The following EHD3 variants were observed in gnomAD, a reference collection of about 807,000 sequenced individuals.
EHD3 encodes the protein EH domain containing 3.
EHD3 carries 17 observed loss-of-function variants against 43.0 expected under a neutral mutation model. That is an observed-to-expected ratio of 0.40 (90% CI 0.27 to 0.59). The LOEUF is 0.59. Ranked by LOEUF, EHD3 falls within the 20% of genes least tolerant of loss-of-function variation. The probability of loss-of-function intolerance (pLI) is 0.49; values close to 1 mark genes in which losing one functional copy is unlikely to be tolerated. For missense variants in EHD3, 594 were observed against 705.6 expected (o/e 0.84, Z 1.79); for synonymous variants, 313 against 289.5 (o/e 1.08, Z -0.82).
rs764650418 is a variant in EHD3 at position 31,266,406 on chromosome 2, C to T, written c.1310C>T (p.Ala437Val). The change falls in exon 6 of 6, where the codon GCT becomes GTT. Residue 437 changes from alanine to valine, a missense_variant. Physicochemically the swap from Ala to Val is moderately conservative, Grantham distance 64 (BLOSUM62 0). Coordinates refer to ENST00000322054, the MANE Select transcript of EHD3 (RefSeq NM_014600.3). This position sits in a 1 kb window ranked among gnomAD's most constrained non-coding sequence, Gnocchi z 5.1. The stretch of plus-strand genomic sequence containing the variant: ...GGGGCTGGAGAAGGTATCGATGATG[C>T]TGAGTGGGTGGTGGCCAGGGACAAG... ...GEGAGEGIDDAEWVVARDKPM... is the reference protein window; with the variant it reads ...GEGAGEGIDDVEWVVARDKPM... 10 of 1,613,998 alleles carry T rather than the reference C, an allele frequency of 6.2e-6. No individual in the cohort carries two copies. The Admixed American group carries it at 1.7e-4, about 27-fold the overall frequency.
chr2:31,243,387 G>A (rs1683456379), intron 1 of EHD3, among the ~76,000 whole-genome samples: 1 of 151,342 alleles, frequency 6.6e-6, no homozygotes, highest in African/African-American at 2.4e-5. Context: ...ACAAAATACA[G>A]ATACTAGAGG....
At chr2:31,247,746 G>C (rs538820637) in intron 2 of EHD3, among the ~76,000 whole-genome samples, 2 of 152,338 alleles carry the variant, frequency 1.3e-5, no homozygotes, top group South Asian at 2.1e-4. Context: ...ACCCAGGCAA[G>C]AGGAAGAGCA....
chr2:31,242,281 A>T (rs951555914), intron 1 of EHD3, among the ~76,000 whole-genome samples: 2 of 152,192 alleles, frequency 1.3e-5, no homozygotes, highest in Non-Finnish European at 2.9e-5. Context: ...TGCACATTAC[A>T]ACATCCTTCA....
intron 2 of EHD3, among the ~76,000 whole-genome samples, chr2:31,245,476 T>C (rs941038509): frequency 6.6e-5 from 10 of 150,398 alleles, no homozygotes; most frequent in African/African-American, 2.4e-4. Context: ...CCATTTTTCA[T>C]TGTAGAAGTT....
chr2:31,256,086 G>A (rs1683747073), intron 3 of EHD3, among the ~76,000 whole-genome samples: 1 of 152,200 alleles, frequency 6.6e-6, no homozygotes, highest in South Asian at 2.1e-4. Flanking sequence ...CAAAGAGACA[G>A]AGGACTAGAG....
chr2:31,235,084 C>G (rs755415955), intron 1 of EHD3, among the ~76,000 whole-genome samples: 1 of 152,142 alleles, frequency 6.6e-6, no homozygotes, highest in South Asian at 2.1e-4. Flanking sequence ...GGTGGTCAAC[C>G]TGAAGTATTC....
intron 2 of EHD3, 137 bp from the exon 3 acceptor site, chr2:31,249,234 G>A: frequency 1.4e-6 from 1 of 740,022 alleles, no homozygotes; most frequent in Non-Finnish European, 2.3e-6. Flanking sequence ...CCCTGAACTG[G>A]GCAAGTCCAT....
At position 31,234,503 on chromosome 2, in the gene EHD3, C is replaced by T; in HGVS notation, c.-119C>T. 3.3e-6 allele frequency: 4 copies of T among 1,204,694 alleles called. No homozygotes were observed. Among genetic ancestry groups the T allele is most frequent in the South Asian group, 2.8e-5 (2 of 70,572 alleles). The allele number at this position is 1,204,694 out of a possible 1,614,324, so 74.6% of individuals were successfully genotyped here. A position where few individuals can be genotyped will look rare whatever the true frequency, so the allele number is the denominator to read the frequency against. On this transcript the variant is annotated 5_prime_UTR_variant, in exon 1 of 6. Transcript: ENST00000322054. The stretch of plus-strand genomic sequence containing the variant: ...GCCCGGGCCATGGTGCGGCTGAGCC[C>T]CGCGCTTGGGTGAGGCGGCGGCGCG...
intron 2 of EHD3, among the ~76,000 whole-genome samples, chr2:31,245,549 ATATATTTT>A (rs1407554649): frequency 0.04 from 1,858 of 46,138 alleles, 5 homozygotes; most frequent in South Asian, 0.088. Context: ...ATATATATAT[ATATATTTT>A]TTTTTTTTTT....
chr2:31,244,383 G>A lies in EHD3; in HGVS notation c.337G>A (p.Ala113Thr), dbSNP rs780938047. 24 of 1,614,084 alleles carry A rather than the reference G, an allele frequency of 1.5e-5. No individual in the cohort carries two copies. Among genetic ancestry groups the A allele is most frequent in the African/African-American group, 6.7e-5 (5 of 74,952 alleles). Residue 113 changes from alanine to threonine, a missense_variant, in exon 2 of 6, where the codon GCC becomes ACC. By Grantham distance (58) the Ala-to-Thr change is moderately conservative (BLOSUM62 0). Around this residue, in one of 3 missense-constraint regions of EHD3, gnomAD observed 243 missense variants for 296.7 expected, o/e 0.82. Transcript: ENST00000322054. ...CATGGAGGGGATCATCCCTGGGAAC[G>A]CCCTGGTGGTGGATCCCAAGAAACC... Reference protein sequence around the residue: ...GDMEGIIPGNALVVDPKKPFR... With the variant: ...GDMEGIIPGNTLVVDPKKPFR...
chr2:31,265,943 C>A (rs977762536), intron 5 of EHD3, among the ~76,000 whole-genome samples: 1 of 152,160 alleles, frequency 6.6e-6, no homozygotes, highest in Non-Finnish European at 1.5e-5. Context: ...CCCCTACAAC[C>A]CTTCTACCCC....
At chr2:31,239,504 A>G (rs1352013435) in intron 1 of EHD3, among the ~76,000 whole-genome samples, 1 of 152,228 alleles carries the variant, frequency 6.6e-6, no homozygotes, top group Admixed American at 6.5e-5. Flanking sequence ...GGCAGTCATC[A>G]GGCAAAACAT....
At chr2:31,261,841 G>C in intron 5 of EHD3, 128 bp downstream of exon 5, 2 of 1,033,970 alleles carry the variant, frequency 1.9e-6, no homozygotes, top group Non-Finnish European at 1.3e-6. Flanking sequence ...CAGGCAAGGA[G>C]GTGGCCCTGG....
At chr2:31,243,935 T>C (rs1387866982) in intron 1 of EHD3, among the ~76,000 whole-genome samples, 1 of 152,246 alleles carries the variant, frequency 6.6e-6, no homozygotes, top group Non-Finnish European at 1.5e-5. Context: ...CCTTCAGTTA[T>C]GGAGTCTGTA....
chr2:31,242,598 GA>G (rs1242572163), intron 1 of EHD3, among the ~76,000 whole-genome samples: 1 of 152,152 alleles, frequency 6.6e-6, no homozygotes. Context: ...TTGAAAGTTG[GA>G]ATTAAATGGA....
chr2:31,252,602 G>A (rs899182542), intron 3 of EHD3, among the ~76,000 whole-genome samples: 14 of 152,238 alleles, frequency 9.2e-5, no homozygotes, highest in Non-Finnish European at 1.8e-4. Context: ...AGCCTCCTGA[G>A]TAGCTGGGAC....
In EHD3 at chr2:31,269,428, T is replaced by C. The variant is rs1684011993; in HGVS notation, c.*2724T>C. 1 of 152,142 alleles carries C rather than the reference T, an allele frequency of 6.6e-6. No homozygotes were observed. The highest frequency in any genetic ancestry group is 1.5e-5 in the Non-Finnish European group (1 of 68,024). 9.4% of individuals were successfully genotyped at this position (152,142 alleles called of 1,614,324 possible). A position where few individuals can be genotyped will look rare whatever the true frequency, so the allele number is the denominator to read the frequency against. ...GGACAAGAGTAAAGTCTGATACCAATAAAGTGAATGTATTCCAAAGCTAGC... is the reference window on the plus strand; with the variant it reads ...GGACAAGAGTAAAGTCTGATACCAACAAAGTGAATGTATTCCAAAGCTAGC... On this transcript the variant is annotated 3_prime_UTR_variant, in exon 6 of 6. Transcript: ENST00000322054.
intron 1 of EHD3, among the ~76,000 whole-genome samples, chr2:31,239,409 CA>C (rs758127725): frequency 9.2e-5 from 14 of 152,230 alleles, no homozygotes; most frequent in Non-Finnish European, 1.3e-4. Flanking sequence ...AAGTGTTACA[CA>C]AGGAAGCAGA....
At position 31,266,890 on chromosome 2, in the gene EHD3, C is replaced by T. The variant is rs557816559; in HGVS notation, c.*186C>T. 8.3e-6 allele frequency: 6 copies of T among 723,540 alleles called. No homozygotes were observed. In the African/African-American group the frequency reaches 1.1e-4, roughly 13 times the overall value. 44.8% of individuals were successfully genotyped at this position (723,540 alleles called of 1,614,324 possible). On this transcript the variant is annotated 3_prime_UTR_variant, in exon 6 of 6. Coordinates refer to ENST00000322054, the MANE Select transcript of EHD3 (RefSeq NM_014600.3). This position sits in a 1 kb window ranked among gnomAD's most constrained non-coding sequence, Gnocchi z 5.1. Reference sequence around the variant, plus strand: ...TGCAGCTGATACTTGTTTGGGCACACCTCCAAGTTCTCGGGATTAGAAGGA... The same window carrying T: ...TGCAGCTGATACTTGTTTGGGCACATCTCCAAGTTCTCGGGATTAGAAGGA...
Sources: gnomAD v4.1 joint callset for allele counts (sites outside exome capture counted in the v4.1 genomes callset) on GRCh38, gnomAD v4.1.1 for gene constraint, gnomAD v4.1.1 regional missense constraint, Gnocchi (gnomAD v3.1) non-coding constraint, MANE v1.5 for transcripts, NCBI Gene and HGNC (gene_info 2026-07-23, HGNC 2026-07-21) for gene names.